Variants in THSD7B observed in about 807,000 individuals in gnomAD.
THSD7B encodes thrombospondin type 1 domain containing 7B.
THSD7B carries 138 observed loss-of-function variants against 213.6 expected under a neutral mutation model. The ratio of observed to expected loss-of-function variants is 0.65; its 90% CI spans 0.56 to 0.74. The LOEUF (loss-of-function observed/expected upper bound fraction) is 0.74, where lower values mean the gene tolerates loss of function less well. Among genes scored for constraint, THSD7B ranks in the 30% least tolerant of loss-of-function variants. THSD7B has a pLI of 0.00. For missense variants in THSD7B, 1,931 were observed against 1,991.5 expected (o/e 0.97, Z 0.58); for synonymous variants, 742 against 687.0 (o/e 1.08, Z -1.25).
intron 1 of THSD7B, among the ~76,000 whole-genome samples, chr2:136,804,710 T>G (rs927821354): frequency 5.3e-5 from 8 of 152,156 alleles, no homozygotes; most frequent in African/African-American, 1.9e-4. Flanking sequence ...CTGGACCTCC[T>G]CAGATATTTG....
At chr2:137,073,673 T>C (rs1455767310) in intron 3 of THSD7B, among the ~76,000 whole-genome samples, 2 of 152,204 alleles carry the variant, frequency 1.3e-5, no homozygotes, top group East Asian at 3.9e-4. Context: ...TTAATTGTGA[T>C]GTTAGGGTGT....
intron 15 of THSD7B, among the ~76,000 whole-genome samples, chr2:137,491,596 T>C (rs999678734): frequency 6.6e-5 from 10 of 152,242 alleles, no homozygotes; most frequent in African/African-American, 1.4e-4. Flanking sequence ...GAGGTTTAGA[T>C]TGGGGTTGGC....
chr2:137,663,151 T>A (rs1333756965), intron 25 of THSD7B, among the ~76,000 whole-genome samples: 1 of 152,068 alleles, frequency 6.6e-6, no homozygotes, highest in Non-Finnish European at 1.5e-5. Flanking sequence ...ATTTGGCAGG[T>A]GTCAGAATTG....
intron 15 of THSD7B, among the ~76,000 whole-genome samples, chr2:137,495,438 T>A (rs1363921022): frequency 6.6e-6 from 1 of 152,102 alleles, no homozygotes; most frequent in Non-Finnish European, 1.5e-5. Context: ...CCCATAGTAA[T>A]TCCAAAATCC....
intron 15 of THSD7B, among the ~76,000 whole-genome samples, chr2:137,551,841 G>A (rs1403333960): frequency 6.6e-6 from 1 of 152,066 alleles, no homozygotes; most frequent in Non-Finnish European, 1.5e-5. Context: ...GCAAACCGGA[G>A]GATAGCCTGG....
intron 1 of THSD7B, among the ~76,000 whole-genome samples, chr2:136,832,110 A>T (rs1011861149): frequency 1.3e-5 from 2 of 152,010 alleles, no homozygotes; most frequent in Non-Finnish European, 2.9e-5. Context: ...GGCTATAATA[A>T]GTACTGGTTG....
intron 12 of THSD7B, among the ~76,000 whole-genome samples, chr2:137,318,848 G>A (rs1442114933): frequency 8.3e-6 from 1 of 120,486 alleles, no homozygotes; most frequent in African/African-American, 3.0e-5. Context: ...AGGCTGGAGT[G>A]CAGTGGTGCT....
At chr2:137,152,703 T>C (rs1309373975) in intron 5 of THSD7B, among the ~76,000 whole-genome samples, 1 of 152,198 alleles carries the variant, frequency 6.6e-6, no homozygotes, top group Non-Finnish European at 1.5e-5. Flanking sequence ...CTTGCTTTCA[T>C]TTAACTGTTG....
intron 3 of THSD7B, among the ~76,000 whole-genome samples, chr2:137,071,333 T>A (rs1558908018): frequency 6.6e-6 from 1 of 152,242 alleles, no homozygotes; most frequent in African/African-American, 2.4e-5. Context: ...TCTTCATGTG[T>A]CTTTTGCTGC....
intron 2 of THSD7B, among the ~76,000 whole-genome samples, chr2:136,998,493 C>A (rs932197616): frequency 2.0e-5 from 3 of 152,062 alleles, no homozygotes. Context: ...GTGGGCACTC[C>A]TAATGGCAGA....
At chr2:137,380,990 T>A (rs1391227687) in intron 12 of THSD7B, among the ~76,000 whole-genome samples, 1 of 151,900 alleles carries the variant, frequency 6.6e-6, no homozygotes, top group Admixed American at 6.6e-5. Context: ...AGAGAGAGAG[T>A]AAAACCATGT....
At chr2:137,273,450 A>G (rs756542867) in intron 11 of THSD7B, among the ~76,000 whole-genome samples, 1 of 152,080 alleles carries the variant, frequency 6.6e-6, no homozygotes, top group Non-Finnish European at 1.5e-5. Context: ...TTCAATCTCT[A>G]TGGGGTTTTA....
chr2:137,054,307 A>G (rs943469000), intron 2 of THSD7B, among the ~76,000 whole-genome samples: 7 of 152,234 alleles, frequency 4.6e-5, no homozygotes, highest in African/African-American at 1.4e-4. Context: ...TTTCAGCAAG[A>G]GAAGTCTCTA....
chr2:136,800,055 T>C (rs975268543), intron 1 of THSD7B, among the ~76,000 whole-genome samples: 1 of 152,074 alleles, frequency 6.6e-6, no homozygotes, highest in Non-Finnish European at 1.5e-5. Flanking sequence ...TATTCTGATA[T>C]GTGATGCTTT....
intron 3 of THSD7B, among the ~76,000 whole-genome samples, chr2:137,059,855 T>G (rs1475994066): frequency 6.6e-6 from 1 of 152,192 alleles, no homozygotes; most frequent in Non-Finnish European, 1.5e-5. Context: ...TAATTTTTTG[T>G]GAACATAGGT....
chr2:137,367,329 A>T (rs2104944807), intron 12 of THSD7B, among the ~76,000 whole-genome samples: 1 of 152,194 alleles, frequency 6.6e-6, no homozygotes, highest in African/African-American at 2.4e-5. Flanking sequence ...ATAAAAGGAG[A>T]GAGAGGGCAG....
At chr2:137,410,453 G>A (rs775408961) in intron 13 of THSD7B, among the ~76,000 whole-genome samples, 2 of 152,036 alleles carry the variant, frequency 1.3e-5, no homozygotes, top group Non-Finnish European at 2.9e-5. Flanking sequence ...ATTTTTAGCA[G>A]AGATGGGGTT....
chr2:137,226,189 G>A (rs6430699), intron 7 of THSD7B, among the ~76,000 whole-genome samples: 65,720 of 151,336 alleles, frequency 0.43, 15,155 homozygotes, highest in African/African-American at 0.52. Flanking sequence ...CTGTTTCATT[G>A]TTTTCCATAG....
intron 2 of THSD7B, among the ~76,000 whole-genome samples, chr2:136,889,093 T>C (rs1428739636): frequency 6.6e-6 from 1 of 152,048 alleles, no homozygotes; most frequent in Non-Finnish European, 1.5e-5. Flanking sequence ...TAAATTAAAG[T>C]CAAACTTATA....
Sources: gnomAD v4.1 joint callset for allele counts (sites outside exome capture counted in the v4.1 genomes callset) on GRCh38, gnomAD v4.1.1 for gene constraint, MANE v1.5 for transcripts, NCBI Gene and HGNC (gene_info 2026-07-23, HGNC 2026-07-21) for gene names.